Variants in CSMD1 observed in about 807,000 individuals in gnomAD.
CSMD1 encodes CUB and Sushi multiple domains 1, also known as CUB and sushi domain-containing protein 1.
Under a neutral mutation model 417.5 loss-of-function variants are expected in CSMD1, and 213 were observed. That is an observed-to-expected ratio of 0.51 (90% confidence interval 0.46 to 0.57). The LOEUF is 0.57. CSMD1 is among the 20% of genes least tolerant of loss of function. The pLI is 0.00. For synonymous variants in CSMD1, 2,862 were observed against 1,736.8 expected (o/e 1.65, Z -16.11); for missense variants, 6,923 against 4,529.7 (o/e 1.53, Z -15.17).
At chr8:3,838,754 ATAT>A (rs1294978995) in intron 5 of CSMD1, among the ~76,000 whole-genome samples, 2 of 45,778 alleles carry the variant, frequency 4.4e-5, no homozygotes, top group Non-Finnish European at 8.6e-5. Context: ...TATATAATAA[ATAT>A]TATATAGTAT....
intron 3 of CSMD1, among the ~76,000 whole-genome samples, chr8:4,177,172 A>T (rs1798096371): frequency 1.3e-5 from 2 of 152,330 alleles, no homozygotes; most frequent in South Asian, 4.1e-4. Flanking sequence ...TTGACCACAT[A>T]GCTGGAAGTA....
At chr8:3,444,847 G>T (rs1320455921) in intron 12 of CSMD1, among the ~76,000 whole-genome samples, 1 of 152,104 alleles carries the variant, frequency 6.6e-6, no homozygotes, top group South Asian at 2.1e-4. Context: ...AATACAAAAA[G>T]AAGCAACAGA....
At chr8:4,500,914 C>G (rs900370092) in intron 2 of CSMD1, among the ~76,000 whole-genome samples, 1 of 152,062 alleles carries the variant, frequency 6.6e-6, no homozygotes, top group Non-Finnish European at 1.5e-5. Flanking sequence ...TTTGTATAAC[C>G]AGTGATCTTT....
chr8:3,009,108 T>C (rs968551725), intron 52 of CSMD1, among the ~76,000 whole-genome samples: 4 of 152,234 alleles, frequency 2.6e-5, no homozygotes, highest in Admixed American at 6.5e-5. Flanking sequence ...CGTGCATTCT[T>C]TGGGGAGGAA....
At position 3,272,527 on chromosome 8, in the gene CSMD1, G is replaced by T. The variant is rs192874784; in HGVS notation, c.4153+11617C>A. 1.7e-3 allele frequency among the ~76,000 whole-genome samples: 232 copies of T among 140,362 alleles called. 11 individuals carry two copies. In the Middle Eastern group the frequency reaches 0.039, roughly 24 times the overall value. The allele number at this position is 140,362 out of a possible 152,430, so 92.1% of individuals were successfully genotyped here. On this transcript the variant is annotated intron_variant, in intron 26 of 69. Coordinates refer to ENST00000635120, the MANE Select transcript of CSMD1 (RefSeq NM_033225.6). ...ATCTGTAAATTACTTTGGGCAGTAT[G>T]GCCATTTTCACGATATTGATTCTTC...
At chr8:4,856,982 C>T (rs568298099) in intron 1 of CSMD1, among the ~76,000 whole-genome samples, 54 of 150,982 alleles carry the variant, frequency 3.6e-4, no homozygotes, top group African/African-American at 1.3e-3. Flanking sequence ...AGCACCACAC[C>T]ACACCTATTC....
chr8:3,377,386 T>C (rs940947162), intron 18 of CSMD1, among the ~76,000 whole-genome samples: 5 of 152,216 alleles, frequency 3.3e-5, no homozygotes, highest in African/African-American at 1.2e-4. Context: ...GTCATGCTAT[T>C]GATTCCTTCG....
chr8:3,774,557 G>A (rs538953022), intron 5 of CSMD1, among the ~76,000 whole-genome samples: 97 of 152,232 alleles, frequency 6.4e-4, no homozygotes, highest in Non-Finnish European at 1.1e-3. Context: ...CCTCCTTAGT[G>A]GACAGAACGT....
At chr8:3,401,524 A>G (rs1344926671) in intron 15 of CSMD1, among the ~76,000 whole-genome samples, 1 of 152,134 alleles carries the variant, frequency 6.6e-6, no homozygotes, top group Non-Finnish European at 1.5e-5. Context: ...CAGTAAGTAG[A>G]TTGTAAGTAA....
At chr8:4,755,902 G>A (rs761720941) in intron 1 of CSMD1, among the ~76,000 whole-genome samples, 38 of 152,094 alleles carry the variant, frequency 2.5e-4, no homozygotes, top group Non-Finnish European at 4.9e-4. Flanking sequence ...TCGGCCTTCA[G>A]TTTTTTCCTT....
intron 49 of CSMD1, among the ~76,000 whole-genome samples, chr8:3,074,816 T>C (rs573665947): frequency 1.3e-5 from 2 of 152,196 alleles, no homozygotes; most frequent in African/African-American, 4.8e-5. Flanking sequence ...AAGTGTGATA[T>C]CATTCAATTG....
At chr8:4,980,777 G>C (rs914239515) in intron 1 of CSMD1, among the ~76,000 whole-genome samples, 1 of 151,908 alleles carries the variant, frequency 6.6e-6, no homozygotes, top group African/African-American at 2.4e-5. Context: ...TGGTGGCATG[G>C]GTCTGTAGTC....
At chr8:3,816,831 G>T (rs1447156901) in intron 5 of CSMD1, among the ~76,000 whole-genome samples, 7 of 152,066 alleles carry the variant, frequency 4.6e-5, no homozygotes, top group African/African-American at 1.4e-4. Flanking sequence ...GGTTTCAGGT[G>T]TCTACTAGGG....
At chr8:4,799,984 A>C (rs11777671) in intron 1 of CSMD1, among the ~76,000 whole-genome samples, 62,639 of 150,564 alleles carry the variant, frequency 0.42, 14,123 homozygotes, top group Non-Finnish European at 0.51. Flanking sequence ...ATTTTTTCTA[A>C]CATAAGAAAA....
intron 3 of CSMD1, among the ~76,000 whole-genome samples, chr8:4,194,084 C>G (rs569094615): frequency 6.6e-6 from 1 of 152,016 alleles, no homozygotes; most frequent in Non-Finnish European, 1.5e-5. Context: ...CAATTTCAAT[C>G]TACTGTAAAT....
chr8:4,105,876 G>A (rs191080793), intron 3 of CSMD1, among the ~76,000 whole-genome samples: 41 of 152,326 alleles, frequency 2.7e-4, no homozygotes, highest in African/African-American at 7.5e-4. Context: ...AGAGCAGACA[G>A]GACACAGCTC....
At chr8:3,653,394 C>T (rs949613957) in intron 7 of CSMD1, among the ~76,000 whole-genome samples, 4 of 152,034 alleles carry the variant, frequency 2.6e-5, no homozygotes, top group African/African-American at 7.2e-5. Context: ...TTGCAACCTC[C>T]GCCTCCTGGA....
At chr8:4,508,098 A>AAG (rs1470290151) in intron 2 of CSMD1, among the ~76,000 whole-genome samples, 3 of 149,956 alleles carry the variant, frequency 2.0e-5, no homozygotes, top group African/African-American at 7.3e-5. Context: ...CCAAAAAAAA[A>AAG]AAAAACCCCA....
intron 3 of CSMD1, among the ~76,000 whole-genome samples, chr8:4,091,243 T>G (rs1430265012): frequency 3.3e-5 from 5 of 152,230 alleles, no homozygotes; most frequent in African/African-American, 1.2e-4. Flanking sequence ...AGGTGAATAA[T>G]GAGGATGCAA....
Sources: allele counts gnomAD v4.1 joint callset (sites outside exome capture counted in the v4.1 genomes callset), GRCh38; gene constraint gnomAD v4.1.1; transcripts MANE v1.5; gene names NCBI Gene and HGNC (gene_info 2026-07-23, HGNC 2026-07-21).